The following AKAP7 variants were observed in gnomAD, a reference collection of about 807,000 sequenced individuals.
AKAP7 encodes the protein A kinase (PRKA) anchor protein 7.
Under a neutral mutation model 39.5 loss-of-function variants are expected in AKAP7, and 39 were observed. That is an observed-to-expected ratio of 0.99 (90% confidence interval 0.76 to 1.29). The LOEUF is 1.29. Among genes scored for constraint, AKAP7 ranks in the 50% most tolerant of loss-of-function variants. AKAP7 has a pLI of 0.00. For missense variants in AKAP7, 414 were observed against 407.7 expected (o/e 1.02, Z -0.13); for synonymous variants, 140 against 139.1 (o/e 1.01, Z -0.05).
intron 7 of AKAP7, among the ~76,000 whole-genome samples, chr6:131,260,892 C>T (rs777176873): frequency 1.3e-5 from 2 of 151,992 alleles, no homozygotes; most frequent in Non-Finnish European, 2.9e-5. Flanking sequence ...AATTTATAGT[C>T]ACTATTAAAT....
intron 7 of AKAP7, among the ~76,000 whole-genome samples, chr6:131,271,855 G>A (rs775842955): frequency 2.0e-5 from 3 of 152,166 alleles, no homozygotes; most frequent in Non-Finnish European, 2.9e-5. Flanking sequence ...AAAAATGGCA[G>A]TTACTTTGAA....
intron 6 of AKAP7, among the ~76,000 whole-genome samples, chr6:131,212,794 G>T (rs1392730502): frequency 6.6e-6 from 1 of 152,174 alleles, no homozygotes; most frequent in African/African-American, 2.4e-5. Flanking sequence ...GAAGAATGTT[G>T]ATGGGAAAAG....
At position 131,220,509 on chromosome 6, in the gene AKAP7, CTG is replaced by C. The variant is rs1363035929; in HGVS notation, c.850+704_850+705del. 2.6e-5 allele frequency among the ~76,000 whole-genome samples: 4 copies of C among 152,316 alleles called. No homozygotes were observed. In the East Asian group the frequency reaches 7.7e-4, roughly 29 times the overall value. On this transcript the variant is annotated intron_variant, in intron 7 of 7. Transcript: ENST00000431975. Reference sequence around the variant, plus strand: ...CAAACCAGACACTATTCTTTTAAAACTGTGAACTTCAAGACAACCTGATTTAT... The same window carrying C: ...CAAACCAGACACTATTCTTTTAAAACTGAACTTCAAGACAACCTGATTTAT...
intron 7 of AKAP7, chr6:131,250,374 T>A (rs1812343956): frequency 1.4e-6 from 2 of 1,407,504 alleles, no homozygotes; most frequent in Non-Finnish European, 1.9e-6. Flanking sequence ...AGGTGGAGCC[T>A]TTTTTGCTCA....
rs149066586 is a variant in AKAP7, at chr6:131,153,935, TGTG to T, written c.152-6119_152-6117del. Among the ~76,000 whole-genome samples the T allele has an allele frequency of 9.9e-3, 1,509 of 152,196 alleles. 110 individuals carry two copies. In the East Asian group the frequency reaches 0.17, roughly 18 times the overall value. Reference sequence around the variant, plus strand: ...TAAAAAGTGCTCTTTATTGGCCAGATGTGGTGGCTCACACCTGTAATCCCAGCA... The same window carrying T: ...TAAAAAGTGCTCTTTATTGGCCAGATGTGGCTCACACCTGTAATCCCAGCA... On this transcript the variant is annotated intron_variant, in intron 2 of 7. Transcript: ENST00000431975.
At chr6:131,256,076 C>A (rs1812822189) in intron 7 of AKAP7, among the ~76,000 whole-genome samples, 1 of 152,156 alleles carries the variant, frequency 6.6e-6, no homozygotes, top group Non-Finnish European at 1.5e-5. Context: ...TCCCGGGGTG[C>A]CATGGGGCTG....
chr6:131,170,182 G>A (rs1200848464), intron 5 of AKAP7, among the ~76,000 whole-genome samples: 2 of 149,456 alleles, frequency 1.3e-5, no homozygotes, highest in East Asian at 4.0e-4. Context: ...AGCATTGGGA[G>A]ATATACCTAA....
intron 2 of AKAP7, among the ~76,000 whole-genome samples, chr6:131,155,259 C>T (rs562255465): frequency 1.3e-5 from 2 of 152,252 alleles, no homozygotes; most frequent in South Asian, 4.1e-4. Flanking sequence ...AGTGGTCCTC[C>T]CACCTAGGTC....
chr6:131,281,675 A>T lies in AKAP7; in HGVS notation c.996A>T (p.Lys332Asn). The T allele has an allele frequency of 6.2e-7, 1 of 1,613,244 alleles. No homozygotes were observed. Among genetic ancestry groups the T allele is most frequent in the Non-Finnish European group, 8.5e-7 (1 of 1,179,626 alleles). Residue 332 changes from lysine to asparagine, a missense_variant, in exon 8 of 8, where the codon AAA (lysine) becomes AAT (asparagine). Physicochemically the swap from Lys to Asn is moderately conservative, Grantham distance 94. Coordinates refer to ENST00000431975, the MANE Select transcript of AKAP7 (RefSeq NM_016377.4). The surrounding 1 kb of genome is among the most constrained non-coding windows in gnomAD (Gnocchi z 4.0). ...AGCCGGGGGAGGGGAGCTCTGTGAA[A>T]ACCGAAGCAGCTGATCAGAATGGCA... ...KNKPGEGSSV[K>N]TEAADQNGND...
intron 7 of AKAP7, among the ~76,000 whole-genome samples, chr6:131,261,912 G>C (rs1206895974): frequency 1.3e-5 from 2 of 152,168 alleles, no homozygotes; most frequent in Non-Finnish European, 2.9e-5. Flanking sequence ...AGGAATAAAG[G>C]GTGGAAAGGC....
chr6:131,212,542 C>T (rs139236529), intron 6 of AKAP7, among the ~76,000 whole-genome samples: 19 of 152,246 alleles, frequency 1.2e-4, no homozygotes, highest in African/African-American at 4.6e-4. Flanking sequence ...GTTCCATTTC[C>T]TAAGTTATAG....
At chr6:131,166,641 T>C (rs1207585056) in intron 4 of AKAP7, among the ~76,000 whole-genome samples, 1 of 152,160 alleles carries the variant, frequency 6.6e-6, no homozygotes, top group African/African-American at 2.4e-5. Flanking sequence ...GGCCTTTAGC[T>C]GATTGGTTTG....
intron 5 of AKAP7, among the ~76,000 whole-genome samples, chr6:131,179,529 C>T (rs1038932137): frequency 1.4e-4 from 22 of 152,138 alleles, no homozygotes; most frequent in African/African-American, 5.3e-4. Context: ...CCACGAGGGC[C>T]AGGACCATGA....
intron 7 of AKAP7, among the ~76,000 whole-genome samples, chr6:131,247,290 TA>T (rs1812089131): frequency 1.1e-5 from 1 of 94,140 alleles, no homozygotes; most frequent in African/African-American, 4.3e-5. Context: ...TATATATATA[TA>T]TATATATATA....
chr6:131,281,458 G>A lies in AKAP7; in HGVS notation c.851-72G>A. 7.8e-7 allele frequency: 1 copy of A among 1,274,936 alleles called. No individual in the cohort carries two copies. Among genetic ancestry groups the A allele is most frequent in the Non-Finnish European group, 1.1e-6 (1 of 934,740 alleles). The allele number at this position is 1,274,936 out of a possible 1,614,324, so 79.0% of individuals were successfully genotyped here. A position where few individuals can be genotyped will look rare whatever the true frequency, so the allele number is the denominator to read the frequency against. On this transcript the variant is annotated intron_variant, in intron 7 of 7. Coordinates refer to ENST00000431975, the MANE Select transcript of AKAP7 (RefSeq NM_016377.4). This position sits in a 1 kb window ranked among gnomAD's most constrained non-coding sequence, Gnocchi z 4.0. ...TTGCTCTTTTTAACCAATGGAACTA[G>A]CCGGCCCCTGCATGCCAAGTTTCTA...
chr6:131,237,550 T>A (rs1039762473), intron 7 of AKAP7, among the ~76,000 whole-genome samples: 24 of 152,270 alleles, frequency 1.6e-4, no homozygotes, highest in African/African-American at 5.3e-4. Context: ...CTTTTTTTGG[T>A]TGGTAAGCTA....
At chr6:131,275,750 A>G (rs1814691281) in intron 7 of AKAP7, among the ~76,000 whole-genome samples, 1 of 152,236 alleles carries the variant, frequency 6.6e-6, no homozygotes, top group South Asian at 2.1e-4. Flanking sequence ...GGGGATTCCT[A>G]CAAGGATGTG....
chr6:131,160,877 C>T (rs1179535546), intron 3 of AKAP7, among the ~76,000 whole-genome samples: 1 of 151,982 alleles, frequency 6.6e-6, no homozygotes, highest in East Asian at 1.9e-4. Flanking sequence ...ACTGAGAAAC[C>T]CCTGAGAGAG....
At chr6:131,134,008 G>T (rs1418570507), upstream of AKAP7, among the ~76,000 whole-genome samples, 1 of 152,170 alleles carries the variant, frequency 6.6e-6, no homozygotes, top group Admixed American at 6.5e-5. Context: ...ATCTGGCTCT[G>T]TTGTCCACAC....
Sources: allele counts gnomAD v4.1 joint callset (sites outside exome capture counted in the v4.1 genomes callset), GRCh38; gene constraint gnomAD v4.1.1; non-coding constraint Gnocchi (gnomAD v3.1); transcripts MANE v1.5; gene names NCBI Gene and HGNC (gene_info 2026-07-23, HGNC 2026-07-21).